GCSH: variants seen among roughly 807,000 people sequenced by gnomAD.
The protein encoded by GCSH is glycine cleavage system H protein, mitochondrial.
Under a neutral mutation model 21.3 loss-of-function variants are expected in GCSH, and 15 were observed. The observed-to-expected ratio is 0.70, with a 90% CI of 0.47 to 1.08. GCSH has a LOEUF of 1.08. GCSH is among the 50% of genes least tolerant of loss of function. GCSH has a pLI of 0.00. For missense variants in GCSH, 179 were observed against 217.5 expected (o/e 0.82, Z 1.11); for synonymous variants, 59 against 84.5 (o/e 0.70, Z 1.66).
intron 1 of GCSH, chr16:81,090,921 G>C: frequency 6.9e-6 from 4 of 579,522 alleles, no homozygotes; most frequent in Non-Finnish European, 1.2e-5. Flanking sequence ...TTTGGAGATT[G>C]GATTATCTGC....
chr16:81,084,614 A>C lies in GCSH; in HGVS notation c.293-20T>G, dbSNP rs759964534. 1.9e-6 allele frequency: 3 copies of C among 1,584,492 alleles called. No individual in the cohort carries two copies. Among genetic ancestry groups the C allele is most frequent in the Admixed American group, 1.7e-5 (1 of 58,888 alleles). Reference sequence around the variant, plus strand: ...ACTCATCTAAGTGGAAAAAAAATTAAAGAAAACATGAAATGTTAAAAGTCA... The same window carrying C: ...ACTCATCTAAGTGGAAAAAAAATTACAGAAAACATGAAATGTTAAAAGTCA... On this transcript the variant is annotated intron_variant, in intron 3 of 4. Transcript: ENST00000315467.
chr16:81,082,871 C>G lies in GCSH; in HGVS notation c.517G>C (p.Glu173Gln). Residue 173 changes from glutamate to glutamine, a missense_variant, in exon 5 of 5, where the codon GAG becomes CAG. Transcript: ENST00000315467. ...AYEKYIKSIE[E>Q] ...TTTATTTAGGAGTTCCATTTTCACT[C>G]CTCAATAGATTTTATGTATTTCTCA... The G allele has an allele frequency of 1.6e-6, 2 of 1,251,780 alleles. No individual in the cohort carries two copies. The highest frequency in any genetic ancestry group is 2.4e-6 in the Non-Finnish European group (2 of 850,382). The allele number at this position is 1,251,780 out of a possible 1,614,324, so 77.5% of individuals were successfully genotyped here. A position where few individuals can be genotyped will look rare whatever the true frequency, so the allele number is the denominator to read the frequency against.
intron 1 of GCSH, among the ~76,000 whole-genome samples, chr16:81,093,856 C>T (rs1427344218): frequency 6.6e-6 from 1 of 152,070 alleles, no homozygotes; most frequent in African/African-American, 2.4e-5. Context: ...GTACAATTCT[C>T]CTTTAACCCT....
chr16:81,088,738 G>A (rs183173320), intron 2 of GCSH, among the ~76,000 whole-genome samples: 33 of 152,204 alleles, frequency 2.2e-4, no homozygotes, highest in Admixed American at 9.2e-4. Flanking sequence ...CATATTTGGT[G>A]TTCTTCCACC....
At chr16:81,094,927 T>C (rs572757575) in intron 1 of GCSH, among the ~76,000 whole-genome samples, 6 of 152,062 alleles carry the variant, frequency 3.9e-5, no homozygotes, top group African/African-American at 1.4e-4. Context: ...ACCCTGTCTC[T>C]ACTAAAAATA....
At chr16:81,085,069 C>T (rs1165274592) in intron 3 of GCSH, among the ~76,000 whole-genome samples, 1 of 128,332 alleles carries the variant, frequency 7.8e-6, no homozygotes, top group African/African-American at 3.0e-5. Context: ...GGCTACAGTA[C>T]AATGGTGTGT....
intron 2 of GCSH, 91 bp downstream of exon 2, chr16:81,090,510 C>T: frequency 1.1e-6 from 1 of 892,540 alleles, no homozygotes. Flanking sequence ...GCATGAGCCA[C>T]CTCACGCAGC....
At chr16:81,094,379 T>C (rs1340833296) in intron 1 of GCSH, among the ~76,000 whole-genome samples, 3 of 151,746 alleles carry the variant, frequency 2.0e-5, no homozygotes, top group African/African-American at 7.3e-5. Flanking sequence ...GGAGGTGTGC[T>C]CTTGTCGTCC....
rs1303428875 is a variant in GCSH at position 81,090,640 on chromosome 16, T to G, written c.189A>C (p.Glu63Asp). 1.9e-6 allele frequency: 3 copies of G among 1,613,054 alleles called. No individual in the cohort carries two copies. The highest frequency in any genetic ancestry group is 2.5e-6 in the Non-Finnish European group (3 of 1,179,152). Residue 63 changes from glutamate (E) to aspartate (D), a missense_variant, in exon 2 of 5, where the codon GAA becomes GAC. By Grantham distance (45) the Glu-to-Asp change is conservative. Transcript: ENST00000315467. Reference sequence around the variant, plus strand: ...TGATTCCCACTGTTCCAATGCCATTTTCTGTTGTTACCCATTCGTGTTTCT... The same window carrying G: ...TGATTCCCACTGTTCCAATGCCATTGTCTGTTGTTACCCATTCGTGTTTCT... ...FTEKHEWVTT[E>D]NGIGTVGISN...
At position 81,084,549 on chromosome 16, in the gene GCSH, T is replaced by A. The variant is rs140749911; in HGVS notation, c.338A>T (p.Tyr113Phe). ...LESVKAASEL[Y>F]SPLSGEVTEI... ...AGTTACTTCTCCTGATAAAGGAGAA[T>A]AGAGTTCACTAGCAGCTTTCACACT... Residue 113 changes from tyrosine (Y) to phenylalanine (F), a missense_variant, in exon 4 of 5, where the codon TAT (tyrosine) becomes TTT (phenylalanine). Coordinates refer to ENST00000315467, the MANE Select transcript of GCSH (RefSeq NM_004483.5). The A allele has an allele frequency of 6.3e-7, 1 of 1,593,752 alleles. No homozygotes were observed. The highest frequency in any genetic ancestry group is 1.3e-5 in the African/African-American group (1 of 74,636).
intron 2 of GCSH, among the ~76,000 whole-genome samples, chr16:81,088,852 G>C (rs1972335950): frequency 6.6e-6 from 1 of 152,118 alleles, no homozygotes; most frequent in Non-Finnish European, 1.5e-5. Context: ...TGAAGTCCCT[G>C]ACTCCAGAAA....
chr16:81,087,783 G>A lies in GCSH; in HGVS notation c.229-119C>T, dbSNP rs8177905. The A allele has an allele frequency of 0.014, 10,077 of 741,388 alleles. 424 individuals are homozygous for A. Among genetic ancestry groups the A allele is most frequent in the African/African-American group, 0.12 (6,856 of 56,834 alleles). The allele number at this position is 741,388 out of a possible 1,614,324, so 45.9% of individuals were successfully genotyped here. ...GAAGATTTAGTATATATTTTATACT[G>A]GAGGGGCTACATTCTTGAGTTTTCC... On this transcript the variant is annotated intron_variant, in intron 2 of 4. Coordinates refer to ENST00000315467, the MANE Select transcript of GCSH (RefSeq NM_004483.5).
rs1358212828 is a variant in GCSH at position 81,082,864 on chromosome 16, T to A, written c.*2A>T. ...ATACTAGTTTATTTAGGAGTTCCAT[T>A]TTCACTCCTCAATAGATTTTATGTA... On this transcript the variant is annotated 3_prime_UTR_variant, in exon 5 of 5. Transcript: ENST00000315467. The A allele has an allele frequency of 8.2e-7, 1 of 1,216,738 alleles. No homozygotes were observed. Among genetic ancestry groups the A allele is most frequent in the Non-Finnish European group, 1.2e-6 (1 of 818,540 alleles). The allele number at this position is 1,216,738 out of a possible 1,614,324, so 75.4% of individuals were successfully genotyped here.
rs778384424 is a variant in GCSH at position 81,082,504 on chromosome 16, T to C, written c.*362A>G. The C allele has an allele frequency of 5.4e-6, 2 of 370,510 alleles. No homozygotes were observed. The highest frequency in any genetic ancestry group is 4.0e-5 in the South Asian group (2 of 50,408). 23.0% of individuals were successfully genotyped at this position (370,510 alleles called of 1,614,324 possible). A position where few individuals can be genotyped will look rare whatever the true frequency, so the allele number is the denominator to read the frequency against. On this transcript the variant is annotated 3_prime_UTR_variant, in exon 5 of 5. Coordinates refer to ENST00000315467, the MANE Select transcript of GCSH (RefSeq NM_004483.5). ...AATGGAAAGATCATTAAGTATTTCATCCCAAATCCAGGTATGGATACATGC... is the reference window on the plus strand; with the variant it reads ...AATGGAAAGATCATTAAGTATTTCACCCCAAATCCAGGTATGGATACATGC...
Position 81,096,275 on chromosome 16 carries a change from C to T in GCSH, c.4G>A (p.Ala2Thr). The change falls in exon 1 of 5, where the codon GCG (alanine) becomes ACG (threonine). Residue 2 changes from alanine to threonine, a missense_variant. Coordinates refer to ENST00000315467, the MANE Select transcript of GCSH (RefSeq NM_004483.5). ...CGCACGCTCCGCACCACTCGCAGCG[C>T]CATGTTCGCAGGGGTGCGGGGGTCG... M[A>T]LRVVRSVRAL... is the part of the protein sequence containing the mutation. The T allele has an allele frequency of 7.3e-7, 1 of 1,367,848 alleles. No individual in the cohort carries two copies. The highest frequency in any genetic ancestry group is 9.4e-7 in the Non-Finnish European group (1 of 1,067,284). 84.7% of individuals were successfully genotyped at this position (1,367,848 alleles called of 1,614,324 possible). A position where few individuals can be genotyped will look rare whatever the true frequency, so the allele number is the denominator to read the frequency against.
chr16:81,086,803 C>T (rs8177918), intron 3 of GCSH, among the ~76,000 whole-genome samples: 31 of 131,182 alleles, frequency 2.4e-4, no homozygotes, highest in African/African-American at 7.0e-4. Flanking sequence ...AAACGTAACA[C>T]ACACTGTGTG....
intron 1 of GCSH, among the ~76,000 whole-genome samples, chr16:81,093,127 A>G (rs1360444485): frequency 6.6e-6 from 1 of 151,758 alleles, no homozygotes; most frequent in Non-Finnish European, 1.5e-5. Context: ...CATCTCCAAA[A>G]AAAAAAAAAA....
intron 2 of GCSH, among the ~76,000 whole-genome samples, chr16:81,088,070 G>A (rs1310810202): frequency 1.3e-5 from 2 of 152,062 alleles, no homozygotes; most frequent in Admixed American, 6.6e-5. Context: ...AGGTTGCAGT[G>A]AGTTGAGATT....
chr16:81,087,814 A>C, intron 2 of GCSH, 150 bp from the exon 3 acceptor site: 1 of 682,828 alleles, frequency 1.5e-6, no homozygotes, highest in East Asian at 2.7e-5. Context: ...TTTCCTTAAA[A>C]TCCTTTAAAC....
Sources: gnomAD v4.1 joint callset for allele counts (sites outside exome capture counted in the v4.1 genomes callset) on GRCh38, gnomAD v4.1.1 for gene constraint, MANE v1.5 for transcripts, NCBI Gene and HGNC (gene_info 2026-07-23, HGNC 2026-07-21) for gene names.